Variants in BCL2L13 observed in about 807,000 individuals in gnomAD.
The protein encoded by BCL2L13 is bcl-2-like protein 13.
BCL2L13 carries 13 observed loss-of-function variants against 25.8 expected under a neutral mutation model. The observed-to-expected ratio is 0.50, with a 90% confidence interval of 0.33 to 0.80. The LOEUF (loss-of-function observed/expected upper bound fraction) is 0.80, where lower values mean the gene tolerates loss of function less well. Ranked by LOEUF, BCL2L13 falls within the 30% of genes least tolerant of loss-of-function variation. The pLI, the probability that BCL2L13 is intolerant of heterozygous loss-of-function variation, is 0.02. For synonymous variants in BCL2L13, 244 were observed against 230.3 expected (o/e 1.06, Z -0.54); for missense variants, 504 against 574.9 (o/e 0.88, Z 1.26).
intron 1 of BCL2L13, among the ~76,000 whole-genome samples, chr22:17,647,652 G>A (rs576870491): frequency 1.3e-5 from 2 of 152,258 alleles, no homozygotes; most frequent in South Asian, 2.1e-4. Flanking sequence ...AAGTGAAGAC[G>A]GTGTACCCAA....
intron 4 of BCL2L13, among the ~76,000 whole-genome samples, chr22:17,693,330 G>A (rs1020145230): frequency 4.3e-5 from 6 of 139,474 alleles, no homozygotes; most frequent in Non-Finnish European, 6.2e-5. Flanking sequence ...TGCCTTTGGG[G>A]TAGTTTATTT....
intron 2 of BCL2L13, among the ~76,000 whole-genome samples, chr22:17,661,967 G>A (rs1442768706): frequency 1.3e-5 from 2 of 150,732 alleles, no homozygotes; most frequent in African/African-American, 4.9e-5. Flanking sequence ...CTCCAGCCTG[G>A]GCAACGAGAG....
chr22:17,700,283 G>A (rs1055389409), intron 5 of BCL2L13, among the ~76,000 whole-genome samples: 2 of 152,064 alleles, frequency 1.3e-5, no homozygotes, highest in African/African-American at 4.8e-5. Context: ...AGTGAATGAG[G>A]CTTTTCACTC....
chr22:17,701,942 A>C (rs2145707603), intron 5 of BCL2L13, among the ~76,000 whole-genome samples: 1 of 151,656 alleles, frequency 6.6e-6, no homozygotes, highest in East Asian at 1.9e-4. Context: ...AAGGAAAAAG[A>C]AATTAATTAA....
intron 1 of BCL2L13, among the ~76,000 whole-genome samples, chr22:17,643,073 G>A (rs1436768428): frequency 6.6e-6 from 1 of 152,216 alleles, no homozygotes; most frequent in African/African-American, 2.4e-5. Context: ...CGGGATGAAA[G>A]TAAGGCAGTT....
intron 1 of BCL2L13, among the ~76,000 whole-genome samples, chr22:17,630,868 G>A (rs898133020): frequency 4.6e-5 from 7 of 151,974 alleles, no homozygotes; most frequent in Non-Finnish European, 7.4e-5. Flanking sequence ...TGGGATTACA[G>A]ACGTGAGCCA....
rs907755614 is a variant in BCL2L13, at chr22:17,684,945, G to A, written c.229+1624G>A. On this transcript the variant is annotated intron_variant, in intron 3 of 6. Coordinates refer to ENST00000317582, the MANE Select transcript of BCL2L13 (RefSeq NM_015367.4). ...GACGGGGTTTCAGCGTGTTAGCCAG[G>A]ATGGTCTCGTTGATCTCCTGACCTT... is the stretch of plus-strand genomic sequence containing the variant. Among the ~76,000 whole-genome samples the A allele has an allele frequency of 4.6e-5, 7 of 152,056 alleles. No individual in the cohort carries two copies. The East Asian group carries it at 5.8e-4, about 13-fold the overall frequency.
At chr22:17,681,931 AT>A (rs1040403274) in intron 2 of BCL2L13, among the ~76,000 whole-genome samples, 3 of 152,146 alleles carry the variant, frequency 2.0e-5, no homozygotes, top group Non-Finnish European at 4.4e-5. Context: ...AAGGGTTGTT[AT>A]GAGCATTTTA....
At chr22:17,647,265 C>T (rs886482256) in intron 1 of BCL2L13, among the ~76,000 whole-genome samples, 2 of 151,562 alleles carry the variant, frequency 1.3e-5, no homozygotes, top group Non-Finnish European at 2.9e-5. Context: ...TGAGCCACTG[C>T]ACCTGGCCTA....
At chr22:17,656,499 C>G (rs1445639636) in intron 2 of BCL2L13, among the ~76,000 whole-genome samples, 1 of 150,600 alleles carries the variant, frequency 6.6e-6, no homozygotes, top group South Asian at 2.1e-4. Flanking sequence ...AGGTGCACAC[C>G]ACCATGCCCG....
chr22:17,660,729 C>G (rs2059036748), intron 2 of BCL2L13, among the ~76,000 whole-genome samples: 1 of 145,368 alleles, frequency 6.9e-6, no homozygotes, highest in South Asian at 2.1e-4. Flanking sequence ...CCAGTCTACA[C>G]CTCATTTATT....
chr22:17,715,157 TATATATATATATA>T (rs1383992482), intron 6 of BCL2L13, among the ~76,000 whole-genome samples: 76 of 5,414 alleles, frequency 0.014, 1 homozygote, highest in African/African-American at 0.016. Flanking sequence ...TATATATATA[TATATATATATATA>T]TTTTTTTTTT....
chr22:17,629,946 C>T (rs1284990045), intron 1 of BCL2L13, among the ~76,000 whole-genome samples: 1 of 152,034 alleles, frequency 6.6e-6, no homozygotes, highest in Non-Finnish European at 1.5e-5. Context: ...GGGCCAGGCG[C>T]GGTGTCTCAC....
intron 4 of BCL2L13, 28 bp downstream of exon 4, chr22:17,689,170 C>T (rs1215463033): frequency 6.2e-7 from 1 of 1,608,752 alleles, no homozygotes; most frequent in Admixed American, 1.7e-5. Context: ...GTGGGATGTG[C>T]TTCTTTAAGT....
intron 1 of BCL2L13, among the ~76,000 whole-genome samples, chr22:17,639,168 C>G (rs1362785063): frequency 6.6e-6 from 1 of 152,240 alleles, no homozygotes; most frequent in Non-Finnish European, 1.5e-5. Context: ...CCTGGCTCCA[C>G]GCCGCTGTCC....
At chr22:17,722,873 C>T (rs919417219) in intron 6 of BCL2L13, among the ~76,000 whole-genome samples, 8 of 152,034 alleles carry the variant, frequency 5.3e-5, no homozygotes, top group African/African-American at 1.9e-4. Flanking sequence ...TTCAATAATA[C>T]TTTGTAGTTT....
In BCL2L13 at chr22:17,655,753, A is replaced by G. The variant is rs1215612023; in HGVS notation, c.42A>G (p.Glu14=). 1.2e-6 allele frequency: 2 copies of G among 1,613,594 alleles called. No individual in the cohort carries two copies. Among genetic ancestry groups the G allele is most frequent in the African/African-American group, 2.7e-5 (2 of 74,902 alleles). The change falls in exon 2 of 7, where the codon GAA becomes GAG. Residue 14 remains glutamate (E), a synonymous_variant. Coordinates refer to ENST00000317582, the MANE Select transcript of BCL2L13 (RefSeq NM_015367.4). ...SSTVPLGFHY[E]TKYVVLSYLG... ...CTGTGCCTCTGGGATTTCACTATGA[A>G]ACAAAGTATGTTGTTCTCAGCTACT...
chr22:17,722,793 G>A (rs1185985449), intron 6 of BCL2L13, among the ~76,000 whole-genome samples: 1 of 152,128 alleles, frequency 6.6e-6, no homozygotes, highest in African/African-American at 2.4e-5. Context: ...GGGAATAGCT[G>A]ACATCTTTAC....
At chr22:17,641,142 G>A (rs907948884) in intron 1 of BCL2L13, among the ~76,000 whole-genome samples, 1 of 151,910 alleles carries the variant, frequency 6.6e-6, no homozygotes, top group Non-Finnish European at 1.5e-5. Flanking sequence ...TGCCCGCCTC[G>A]GCCTCCCAAA....
Sources: allele counts gnomAD v4.1 joint callset (sites outside exome capture counted in the v4.1 genomes callset), GRCh38; gene constraint gnomAD v4.1.1; transcripts MANE v1.5; gene names NCBI Gene and HGNC (gene_info 2026-07-23, HGNC 2026-07-21).